Variants in MYL5 observed in about 807,000 individuals in gnomAD.
The protein encoded by MYL5 is myosin light chain 5, also known as myosin regulatory light chain 5.
In MYL5, 28 loss-of-function variants were observed where a neutral mutation model predicts 20.8. That is an observed-to-expected ratio of 1.35 (90% CI 1.00 to 1.84). The LOEUF (loss-of-function observed/expected upper bound fraction) is 1.84, where lower values mean the gene tolerates loss of function less well. MYL5 is among the 40% of genes most tolerant of loss of function. MYL5 has a pLI of 0.00. For missense variants in MYL5, 274 were observed against 227.3 expected (o/e 1.21, Z -1.32); for synonymous variants, 118 against 87.4 (o/e 1.35, Z -1.95).
chr4:681,071 G>C (rs780896531), intron 5 of MYL5, 21 bp from the exon 8 acceptor site: 1 of 1,588,240 alleles, frequency 6.3e-7, no homozygotes, highest in East Asian at 2.3e-5. Flanking sequence ...AGCCCGCGCT[G>C]ACCCCTTTCC....
At position 681,152 on chromosome 4, in the gene MYL5, G is replaced by C; in HGVS notation, c.420+12G>C. 1 of 1,601,616 alleles carries C rather than the reference G, an allele frequency of 6.2e-7. No homozygotes were observed. Among genetic ancestry groups the C allele is most frequent in the Non-Finnish European group, 8.5e-7 (1 of 1,175,122 alleles). ...TGACGGCGGAAGAGGTCTGGCCCGC[G>C]GCTTCCCTGCCAAGCCCACGAGGGG... On this transcript the variant is annotated intron_variant, in intron 6 of 6. Coordinates refer to ENST00000400159, the Ensembl canonical transcript of MYL5.
chr4:678,616 T>C lies in MYL5; in HGVS notation c.4-42T>C, dbSNP rs748623417. ...ACTCTGGGTGCCCTGGAGGGTTTCG[T>C]CAGCCAGCCCAGGACCCTCAGCCAT... On this transcript the variant is annotated intron_variant, in intron 1 of 6. Transcript: ENST00000400159. 4 of 1,571,696 alleles carry C rather than the reference T, an allele frequency of 2.5e-6. No homozygotes were observed. In the South Asian group the frequency reaches 4.6e-5, roughly 18 times the overall value.
upstream of MYL5, among the ~76,000 whole-genome samples, chr4:676,707 C>T (rs951069779): frequency 3.9e-5 from 6 of 152,286 alleles, no homozygotes; most frequent in Middle Eastern, 0.01. Flanking sequence ...GTTCTCCCCA[C>T]TCCTGCAGCC....
At chr4:678,005 A>T (rs1739017088) in exon 1 of MYL5, 1 of 1,613,314 alleles carries the variant, frequency 6.2e-7, no homozygotes, top group African/African-American at 1.3e-5. Context: ...GGGCAGACGC[A>T]TCAAAGCAGG....
At chr4:679,096 T>A in intron 3 of MYL5, 63 bp downstream of exon 5, 4 of 1,482,152 alleles carry the variant, frequency 2.7e-6, no homozygotes, top group Non-Finnish European at 3.8e-6. Context: ...GTCCTCCAGC[T>A]CCAGACGCCG....
upstream of MYL5, chr4:676,936 C>T: frequency 2.0e-6 from 2 of 985,404 alleles, no homozygotes. Flanking sequence ...CAGGCAGCAT[C>T]TCAGGGGACG....
At chr4:681,238 G>A (rs2109359742) in intron 6 of MYL5, 98 bp downstream of exon 8, 1 of 1,438,294 alleles carries the variant, frequency 7.0e-7, no homozygotes. Context: ...GAGCAGCGCC[G>A]CGGTTAGGAC....
intron 4 of MYL5, 67 bp downstream of exon 6, chr4:680,085 C>A: frequency 7.3e-7 from 1 of 1,363,514 alleles, no homozygotes; most frequent in Non-Finnish European, 1.0e-6. Context: ...CCGGACATTT[C>A]ACGTAAAAAT....
chr4:679,798 T>A, intron 3 of MYL5, 116 bp from the exon 6 acceptor site: 4 of 816,824 alleles, frequency 4.9e-6, no homozygotes, highest in Non-Finnish European at 7.9e-6. Context: ...AGCGTCTCCT[T>A]CCCGCTCCCT....
At chr4:679,118 C>T (rs752220129) in intron 3 of MYL5, 85 bp downstream of exon 5, 15 of 1,126,768 alleles carry the variant, frequency 1.3e-5, no homozygotes, top group Middle Eastern at 2.2e-4. Flanking sequence ...GGCCCCTCCT[C>T]GAATGGAGCC....
intron 3 of MYL5, chr4:679,274 G>T (rs1381528246): frequency 7.5e-6 from 3 of 401,000 alleles, no homozygotes; most frequent in Non-Finnish European, 1.2e-5. Flanking sequence ...ACTCAGAGTG[G>T]GCTTTGAGGC....
chr4:678,544 G>A (rs1438159004), intron 1 of MYL5, 114 bp from the exon 4 acceptor site: 1 of 1,472,846 alleles, frequency 6.8e-7, no homozygotes, highest in Non-Finnish European at 9.0e-7. Context: ...GCCCCCTCCA[G>A]CCCGAAGGGC....
chr4:680,572 A>G, exon 5 of MYL5: 2 of 1,613,302 alleles, frequency 1.2e-6, no homozygotes, highest in Non-Finnish European at 1.7e-6. Context: ...GGGAAAGGGA[A>G]AATCAACAAG....
chr4:677,939 C>T lies in MYL5; in HGVS notation c.-88C>T, dbSNP rs1739010658. 5 of 1,610,324 alleles carry T rather than the reference C, an allele frequency of 3.1e-6. No homozygotes were observed. In the Admixed American group the frequency reaches 6.7e-5, roughly 21 times the overall value. ...CCTTGTAGGGAGTGGCAGCCGGAGT[C>T]TGAACTGTCCTGGGGGACCAAGCAG... On this transcript the variant is annotated 5_prime_UTR_variant, in exon 1 of 7. Transcript: ENST00000400159.
At chr4:679,616 CCA>C (rs1433989754) in intron 3 of MYL5, among the ~76,000 whole-genome samples, 1 of 152,122 alleles carries the variant, frequency 6.6e-6, no homozygotes, top group Admixed American at 6.5e-5. Context: ...CGCAAGTGAC[CCA>C]CCTTCCTCTC....
upstream of MYL5, chr4:676,798 G>C: frequency 1.2e-6 from 1 of 832,944 alleles, no homozygotes; most frequent in Non-Finnish European, 1.4e-6. Context: ...CCCAGCCCCA[G>C]GGTTCCACAT....
Position 681,883 on chromosome 4 carries a change from C to T in MYL5, c.421-10C>T. The T allele has an allele frequency of 1.5e-6, 2 of 1,313,816 alleles. No individual in the cohort carries two copies. Among genetic ancestry groups the T allele is most frequent in the Non-Finnish European group, 2.0e-6 (2 of 1,022,138 alleles). The allele number at this position is 1,313,816 out of a possible 1,614,324, so 81.4% of individuals were successfully genotyped here. ...GAGCCCGCAAGGAGCCCTTTCGCCCCCGCCCGCAGGTGGACCAGATGTTCC... is the reference window on the plus strand; with the variant it reads ...GAGCCCGCAAGGAGCCCTTTCGCCCTCGCCCGCAGGTGGACCAGATGTTCC... On this transcript the variant is annotated splice_polypyrimidine_tract_variant and intron_variant, in intron 6 of 6. Coordinates refer to ENST00000400159, the Ensembl canonical transcript of MYL5.
intron 3 of MYL5, 90 bp from the exon 6 acceptor site, chr4:679,824 C>T (rs1315903777): frequency 9.4e-7 from 1 of 1,067,112 alleles, no homozygotes. Context: ...CCCTTCCCAT[C>T]TGCCTGCCTG....
upstream of MYL5, among the ~76,000 whole-genome samples, chr4:676,682 T>A: frequency 6.6e-6 from 1 of 151,814 alleles, no homozygotes; most frequent in East Asian, 1.9e-4. Flanking sequence ...CAACCATGCT[T>A]CCCCCCTCGG....
Sources: gnomAD v4.1 joint callset for allele counts (sites outside exome capture counted in the v4.1 genomes callset) on GRCh38, gnomAD v4.1.1 for gene constraint, MANE v1.5 for transcripts, NCBI Gene and HGNC (gene_info 2026-07-23, HGNC 2026-07-21) for gene names.